MAPK8IP3: variants seen among roughly 807,000 people sequenced by gnomAD.
MAPK8IP3 encodes C-Jun-amino-terminal kinase-interacting protein 3.
Under a neutral mutation model 157.8 loss-of-function variants are expected in MAPK8IP3, and 49 were observed. That is an observed-to-expected ratio of 0.31 (90% CI 0.25 to 0.39). The LOEUF (loss-of-function observed/expected upper bound fraction) is 0.39. Ranked by LOEUF, MAPK8IP3 falls within the 10% of genes least tolerant of loss-of-function variation. MAPK8IP3 has a pLI of 1.00. For missense variants in MAPK8IP3, 1,478 were observed against 1,889.4 expected, an observed-to-expected ratio of 0.78 and a Z score of 4.04; for synonymous variants, 897 against 777.7, an observed-to-expected ratio of 1.15 and a Z score of -2.55.
At chr16:1,750,083 G>A (rs1250832113) in intron 8 of MAPK8IP3, among the ~76,000 whole-genome samples, 2 of 152,126 alleles carry the variant, frequency 1.3e-5, no homozygotes, top group East Asian at 1.9e-4. Flanking sequence ...CTTTTCTCAT[G>A]TGTTGCAAAA....
chr16:1,756,623 A>AACACACAC (rs60461442), intron 8 of MAPK8IP3, among the ~76,000 whole-genome samples: 1,534 of 135,676 alleles, frequency 0.011, 11 homozygotes, highest in African/African-American at 0.019. Flanking sequence ...TTTTTACTAA[A>AACACACAC]ACACACACAC....
chr16:1,753,805 G>C (rs575290197), intron 8 of MAPK8IP3, among the ~76,000 whole-genome samples: 1 of 152,116 alleles, frequency 6.6e-6, no homozygotes, highest in South Asian at 2.1e-4. Flanking sequence ...ACTATAATGT[G>C]ACAGTGATTG....
At chr16:1,752,524 C>A in intron 8 of MAPK8IP3, 1 of 355,306 alleles carries the variant, frequency 2.8e-6, no homozygotes, top group South Asian at 2.0e-5. Flanking sequence ...AGGAGGATCA[C>A]CTGCGCCTAG....
At position 1,751,320 on chromosome 16, in the gene MAPK8IP3, C is replaced by T. The variant is rs1431472793; in HGVS notation, c.1216+2600C>T. On this transcript the variant is annotated intron_variant, in intron 8 of 31. Transcript: ENST00000610761. This position sits in a 1 kb window ranked among gnomAD's most constrained non-coding sequence, Gnocchi z 5.0. Reference sequence around the variant, plus strand: ...AAATACAAAAAGAAATTAGCTGGGCCTGGTGGCGGGCACCTGTAATCCCAG... The same window carrying T: ...AAATACAAAAAGAAATTAGCTGGGCTTGGTGGCGGGCACCTGTAATCCCAG... Among the ~76,000 whole-genome samples, 1 of 152,102 alleles carries T rather than the reference C, an allele frequency of 6.6e-6. No individual in the cohort carries two copies. Among genetic ancestry groups the T allele is most frequent in the Non-Finnish European group, 1.5e-5 (1 of 68,016 alleles).
At chr16:1,768,143 C>G in intron 29 of MAPK8IP3, 36 bp downstream of exon 29, 1 of 1,612,104 alleles carries the variant, frequency 6.2e-7, no homozygotes, top group East Asian at 2.2e-5. Context: ...TCACGGGAGC[C>G]TCTCCCACTC....
At chr16:1,767,076 G>T in intron 25 of MAPK8IP3, 73 bp from the exon 26 acceptor site, 2 of 1,589,898 alleles carry the variant, frequency 1.3e-6, no homozygotes, top group Non-Finnish European at 1.7e-6. Context: ...CTGGCAGTGG[G>T]TGTCTCAACC....
At chr16:1,744,053 G>A (rs1486781616) in intron 5 of MAPK8IP3, 18 of 989,272 alleles carry the variant, frequency 1.8e-5, no homozygotes, top group East Asian at 2.3e-4. Context: ...GCCAGAGTGC[G>A]GGGGCCCCAG....
rs1238733118 is a variant in MAPK8IP3 at position 1,743,602 on chromosome 16, G to A, written c.747+126G>A. 33 of 1,457,084 alleles carry A rather than the reference G, an allele frequency of 2.3e-5. No individual in the cohort carries two copies. Among genetic ancestry groups the A allele is most frequent in the East Asian group, 2.0e-4 (7 of 35,672 alleles). The allele number at this position is 1,457,084 out of a possible 1,614,324, so 90.3% of individuals were successfully genotyped here. On this transcript the variant is annotated intron_variant, in intron 5 of 31. Coordinates refer to ENST00000610761, the MANE Select transcript of MAPK8IP3 (RefSeq NM_001318852.2). This position sits in a 1 kb window ranked among gnomAD's most constrained non-coding sequence, Gnocchi z 5.6. Reference sequence around the variant, plus strand: ...TCTGGGCCACTCGCCCTCTCCCTTCGTGTGTGGCAGGATGGAGAAACCCAG... The same window carrying A: ...TCTGGGCCACTCGCCCTCTCCCTTCATGTGTGGCAGGATGGAGAAACCCAG...
intron 4 of MAPK8IP3, among the ~76,000 whole-genome samples, chr16:1,736,904 G>GTC (rs2039949417): frequency 8.0e-5 from 1 of 12,498 alleles, no homozygotes; most frequent in Non-Finnish European, 1.3e-4. Flanking sequence ...GTGTGTGACC[G>GTC]TCTGTGTGAG....
chr16:1,744,791 C>T (rs921406261), intron 5 of MAPK8IP3: 56 of 985,438 alleles, frequency 5.7e-5, no homozygotes, highest in Non-Finnish European at 6.6e-5. Context: ...TCGTCGCTCT[C>T]TTCATAAATT....
chr16:1,706,749 C>T lies in MAPK8IP3; in HGVS notation c.318+92C>T. On this transcript the variant is annotated intron_variant, in intron 1 of 31. Coordinates refer to ENST00000610761, the MANE Select transcript of MAPK8IP3 (RefSeq NM_001318852.2). This position sits in a 1 kb window ranked among gnomAD's most constrained non-coding sequence, Gnocchi z 5.1. ...CCAACACCCGTCCCGACCCCAGACC[C>T]CGCTCCGGCACCCCGGACCGCGGGA... The T allele has an allele frequency of 7.4e-7, 1 of 1,346,612 alleles. No individual in the cohort carries two copies. Among genetic ancestry groups the T allele is most frequent in the Non-Finnish European group, 9.8e-7 (1 of 1,021,682 alleles). The allele number at this position is 1,346,612 out of a possible 1,614,324, so 83.4% of individuals were successfully genotyped here. A position where few individuals can be genotyped will look rare whatever the true frequency, so the allele number is the denominator to read the frequency against.
At chr16:1,739,378 G>T (rs1364526792) in intron 4 of MAPK8IP3, among the ~76,000 whole-genome samples, 1 of 142,986 alleles carries the variant, frequency 7.0e-6, no homozygotes, top group Admixed American at 7.0e-5. Context: ...CCGTGTGACC[G>T]TCCGTGTGAG....
chr16:1,734,025 A>G (rs1254025310), intron 4 of MAPK8IP3, among the ~76,000 whole-genome samples: 1 of 152,070 alleles, frequency 6.6e-6, no homozygotes, highest in Non-Finnish European at 1.5e-5. Context: ...GTGAAACAGG[A>G]CCCCTGCACC....
At chr16:1,727,240 C>T (rs560075337) in intron 2 of MAPK8IP3, among the ~76,000 whole-genome samples, 3 of 141,582 alleles carry the variant, frequency 2.1e-5, no homozygotes, top group Admixed American at 1.4e-4. Context: ...GTGCTATGTG[C>T]GGGTCTGTGT....
chr16:1,729,452 C>CA, intron 3 of MAPK8IP3, 35 bp from the exon 4 acceptor site: 1 of 1,579,034 alleles, frequency 6.3e-7, no homozygotes, highest in Non-Finnish European at 8.7e-7. Flanking sequence ...CAGCCCCCCA[C>CA]GGCAGCGCTA....
rs371471189 is a variant in MAPK8IP3, at chr16:1,747,126, C to T, written c.845C>T (p.Pro282Leu). 1 of 1,613,842 alleles carries T rather than the reference C, an allele frequency of 6.2e-7. No homozygotes were observed. Among genetic ancestry groups the T allele is most frequent in the African/African-American group, 1.3e-5 (1 of 74,944 alleles). ...TKSNTPTSSV[P>L]SAAVTPLNES... The stretch of plus-strand genomic sequence containing the variant: ...TCCAACACGCCCACATCCTCCGTGC[C>T]CTCGGCCGCCGTCACACCCCTCAAC... The change falls in exon 6 of 32, where the codon CCC (proline) becomes CTC (leucine). Residue 282 changes from proline to leucine, a missense_variant. Coordinates refer to ENST00000610761, the MANE Select transcript of MAPK8IP3 (RefSeq NM_001318852.2).
In MAPK8IP3 at chr16:1,765,177, C is replaced by G. The variant is rs200864564; in HGVS notation, c.2445C>G (p.Pro815=). The G allele has an allele frequency of 7.1e-5, 112 of 1,588,650 alleles. No homozygotes were observed. Among genetic ancestry groups the G allele is most frequent in the Non-Finnish European group, 8.9e-5 (103 of 1,160,794 alleles). Residue 815 remains proline, a splice_region_variant and synonymous_variant, in exon 20 of 32, where the codon CCC becomes CCG. Coordinates refer to ENST00000610761, the MANE Select transcript of MAPK8IP3 (RefSeq NM_001318852.2). The part of the protein sequence containing the change: ...NAHVLCISSI[P]AASDSDYPPG... ...ACGTGCTGTGCATCTCCAGCATCCC[C>G]GGTGAGCAGCTGGAGTGGGCGTTTC... is the stretch of plus-strand genomic sequence containing the variant.
rs1051345842 is a variant in MAPK8IP3, at chr16:1,768,907, G to A, written c.*83G>A. 2.0e-5 allele frequency: 30 copies of A among 1,513,090 alleles called. 1 individual carries two copies. In the Admixed American group the frequency reaches 4.3e-4, roughly 22 times the overall value. 93.7% of individuals were successfully genotyped at this position (1,513,090 alleles called of 1,614,324 possible). ...CCCGGCCCGCGGGGTAGCCAGCCAGGCGCCGCCGCCCCTCTTCTAACCTCT... is the reference window on the plus strand; with the variant it reads ...CCCGGCCCGCGGGGTAGCCAGCCAGACGCCGCCGCCCCTCTTCTAACCTCT... On this transcript the variant is annotated 3_prime_UTR_variant, in exon 32 of 32. Coordinates refer to ENST00000610761, the MANE Select transcript of MAPK8IP3 (RefSeq NM_001318852.2).
chr16:1,723,540 A>C (rs2038675039), intron 1 of MAPK8IP3, among the ~76,000 whole-genome samples: 1 of 152,136 alleles, frequency 6.6e-6, no homozygotes, highest in African/African-American at 2.4e-5. Flanking sequence ...GGATCATTTG[A>C]GCCCAGGTGC....
Sources: allele counts gnomAD v4.1 joint callset (sites outside exome capture counted in the v4.1 genomes callset), GRCh38; gene constraint gnomAD v4.1.1; non-coding constraint Gnocchi (gnomAD v3.1); transcripts MANE v1.5; gene names NCBI Gene and HGNC (gene_info 2026-07-23, HGNC 2026-07-21).